GPHN: variants seen among roughly 807,000 people sequenced by gnomAD.
GPHN encodes gephyrin.
A neutral mutation model predicts 95.5 loss-of-function variants in GPHN; 17 were observed. The ratio of observed to expected loss-of-function variants is 0.18; its 90% CI spans 0.12 to 0.27. The LOEUF (loss-of-function observed/expected upper bound fraction) is 0.27, where lower values mean the gene tolerates loss of function less well. GPHN is among the 10% of genes least tolerant of loss of function. The pLI is 1.00. For missense variants in GPHN, 660 were observed against 978.1 expected (o/e 0.67, Z 4.34); for synonymous variants, 320 against 322.5 (o/e 0.99, Z 0.08).
At chr14:67,557,477 C>T in the GPHN span, 6 of 1,543,082 alleles carry the variant, frequency 3.9e-6, no homozygotes, top group Non-Finnish European at 5.3e-6. Context: ...CTGCTGGCCC[C>T]CAGCTTCCTG....
chr14:66,940,175 C>T (rs1294987528), intron 8 of GPHN, among the ~76,000 whole-genome samples: 1 of 150,388 alleles, frequency 6.6e-6, no homozygotes, highest in African/African-American at 2.5e-5. Context: ...GGGAGTGTCC[C>T]ATAGTATGGA....
chr14:66,931,669 G>A (rs983037958), intron 8 of GPHN, among the ~76,000 whole-genome samples: 1 of 152,068 alleles, frequency 6.6e-6, no homozygotes, highest in African/African-American at 2.4e-5. Context: ...TCTTCAGTTT[G>A]TCAATTCAGT....
chr14:66,889,478 T>C (rs541221102), intron 5 of GPHN, among the ~76,000 whole-genome samples: 1 of 151,952 alleles, frequency 6.6e-6, no homozygotes, highest in Non-Finnish European at 1.5e-5. Context: ...AACCGGAAAA[T>C]TTACAAATAT....
chr14:67,722,459 C>G, the GPHN span: 1 of 693,864 alleles, frequency 1.4e-6, no homozygotes, highest in Admixed American at 2.1e-5. Context: ...TCTGACAGCT[C>G]TTGGATTTAA....
At chr14:66,746,439 G>T (rs1217799172) in intron 2 of GPHN, among the ~76,000 whole-genome samples, 8 of 152,072 alleles carry the variant, frequency 5.3e-5, no homozygotes, top group Non-Finnish European at 1.2e-4. Context: ...TATTTTACAA[G>T]ACTTTGGTGT....
chr14:67,695,763 T>C, the GPHN span: 1 of 1,518,644 alleles, frequency 6.6e-7, no homozygotes, highest in Non-Finnish European at 9.1e-7. Flanking sequence ...CGACTATGGC[T>C]TCTCTTTCTA....
At chr14:67,038,736 A>G (rs1160928595) in intron 10 of GPHN, among the ~76,000 whole-genome samples, 1 of 152,004 alleles carries the variant, frequency 6.6e-6, no homozygotes, top group African/African-American at 2.4e-5. Flanking sequence ...GGCATCTCAC[A>G]TTTCTTTCAT....
chr14:66,835,452 A>G (rs2061758974), intron 4 of GPHN, among the ~76,000 whole-genome samples: 1 of 152,072 alleles, frequency 6.6e-6, no homozygotes, highest in Non-Finnish European at 1.5e-5. Context: ...ATTTCAAAAT[A>G]ATAAGAGCTA....
the GPHN span, among the ~76,000 whole-genome samples, chr14:67,351,011 G>A: frequency 6.6e-6 from 1 of 152,270 alleles, no homozygotes; most frequent in South Asian, 2.1e-4. Context: ...ATTCACTGCA[G>A]TTGCAGTCAA....
At chr14:66,615,473 CT>C (rs59401816) in intron 1 of GPHN, among the ~76,000 whole-genome samples, 53,296 of 135,618 alleles carry the variant, frequency 0.39, 11,807 homozygotes, top group African/African-American at 0.65. Context: ...TGGTGTTGAG[CT>C]TTTTTTTTTT....
chr14:66,842,760 A>T (rs1190835382), intron 4 of GPHN: 5 of 1,385,490 alleles, frequency 3.6e-6, no homozygotes, highest in African/African-American at 1.5e-5. Flanking sequence ...TCAGATTAAT[A>T]ATTTTTAGTG....
the GPHN span, chr14:67,592,290 AT>A: frequency 1.5e-5 from 6 of 410,738 alleles, no homozygotes; most frequent in Non-Finnish European, 2.3e-5. Context: ...AAAAAAAAAA[AT>A]TAGCCAGGCG....
At chr14:67,049,598 C>T (rs1010575742) in intron 10 of GPHN, among the ~76,000 whole-genome samples, 7 of 151,596 alleles carry the variant, frequency 4.6e-5, no homozygotes, top group Non-Finnish European at 7.4e-5. Context: ...CTGCAACCTC[C>T]GCCTCCTGGG....
At chr14:67,183,883 C>T (rs1197653991), downstream of GPHN, among the ~76,000 whole-genome samples, 1 of 138,334 alleles carries the variant, frequency 7.2e-6, no homozygotes, top group East Asian at 2.2e-4. Flanking sequence ...AATAGGGTTT[C>T]ACTCTGTCGC....
chr14:67,542,319 C>T, the GPHN span, among the ~76,000 whole-genome samples: 2 of 152,140 alleles, frequency 1.3e-5, no homozygotes, highest in African/African-American at 4.8e-5. Flanking sequence ...TGGGGAAGGA[C>T]GGTGTTTCGG....
At chr14:67,478,995 AAAC>A in the GPHN span, among the ~76,000 whole-genome samples, 9 of 152,252 alleles carry the variant, frequency 5.9e-5, no homozygotes, top group African/African-American at 2.2e-4. Flanking sequence ...CAAAAAAATT[AAAC>A]AACAATCATC....
At chr14:67,572,336 G>A in the GPHN span, 21 of 1,398,854 alleles carry the variant, frequency 1.5e-5, no homozygotes, top group Middle Eastern at 1.8e-4. Context: ...GGCTGCTGGG[G>A]CCCTCAGCAC....
the GPHN span, among the ~76,000 whole-genome samples, chr14:67,730,286 C>T: frequency 2.0e-4 from 31 of 152,082 alleles, no homozygotes; most frequent in African/African-American, 7.0e-4. Context: ...TAGAGCTGTG[C>T]CATTCAGTAT....
In GPHN at chr14:67,110,318, C is replaced by T. The variant is rs1947017722; in HGVS notation, c.1413+59C>T. The T allele has an allele frequency of 1.9e-6, 3 of 1,585,706 alleles. No individual in the cohort carries two copies. In the East Asian group the frequency reaches 6.7e-5, roughly 35 times the overall value. Reference sequence around the variant, plus strand: ...TCCTATGGCAGTATTATGTCACAACCATTTTCTGCAGTGTTTGTGAGATTA... The same window carrying T: ...TCCTATGGCAGTATTATGTCACAACTATTTTCTGCAGTGTTTGTGAGATTA... On this transcript the variant is annotated intron_variant, in intron 14 of 22. Transcript: ENST00000478722.
Sources: gnomAD v4.1 joint callset for allele counts (sites outside exome capture counted in the v4.1 genomes callset) on GRCh38, gnomAD v4.1.1 for gene constraint, MANE v1.5 for transcripts, NCBI Gene and HGNC (gene_info 2026-07-23, HGNC 2026-07-21) for gene names.